CCRL2: variants seen among roughly 807,000 people sequenced by gnomAD.
The protein encoded by CCRL2 is C-C chemokine receptor-like 2.
For missense variants in CCRL2, 451 were observed against 412.4 expected, an observed-to-expected ratio of 1.09 and a Z score of -0.81; for synonymous variants, 181 against 165.6, an observed-to-expected ratio of 1.09 and a Z score of -0.71.
chr3:46,408,807 T>C lies in CCRL2; in HGVS notation c.728T>C (p.Ile243Thr), dbSNP rs1474236435. The C allele has an allele frequency of 1.2e-6, 2 of 1,614,234 alleles. No homozygotes were observed. The change falls in exon 2 of 2, where the codon ATA becomes ACA. Residue 243 changes from isoleucine (I) to threonine (T), a missense_variant. Transcript: ENST00000399036. Reference sequence around the variant, plus strand: ...AGCCTTTTCAAGCTTGTTTTTGCCATAATGGTAGTCTTCCTTCTGATGTGG... The same window carrying C: ...AGCCTTTTCAAGCTTGTTTTTGCCACAATGGTAGTCTTCCTTCTGATGTGG... ...RYSLFKLVFA[I>T]MVVFLLMWAP...
chr3:46,408,170 T>A lies in CCRL2; in HGVS notation c.91T>A (p.Tyr31Asn). 6.2e-7 allele frequency: 1 copy of A among 1,612,164 alleles called. No homozygotes were observed. Among genetic ancestry groups the A allele is most frequent in the Non-Finnish European group, 8.5e-7 (1 of 1,179,028 alleles). Residue 31 changes from tyrosine (Y) to asparagine (N), a missense_variant, in exon 2 of 2, where the codon TAT becomes AAT. Coordinates refer to ENST00000399036, the MANE Select transcript of CCRL2 (RefSeq NM_003965.5). ...CGATGAGGCAGAGCAATGTGACAAG[T>A]ATGACGCCCAGGCACTCTCAGCCCA... ...ESDEAEQCDK[Y>N]DAQALSAQLV... is the part of the protein sequence containing the mutation.
In CCRL2 at chr3:46,408,143, A is replaced by G. The variant is rs773560914; in HGVS notation, c.64A>G (p.Ser22Gly). 5 of 1,607,840 alleles carry G rather than the reference A, an allele frequency of 3.1e-6. No individual in the cohort carries two copies. Among genetic ancestry groups the G allele is most frequent in the Non-Finnish European group, 4.2e-6 (5 of 1,176,802 alleles). Residue 22 changes from serine to glycine, a missense_variant, in exon 2 of 2, where the codon AGC becomes GGC. Transcript: ENST00000399036. ...TGTCCTCATAGAAGGTGAACTGGAG[A>G]GCGATGAGGCAGAGCAATGTGACAA... Reference protein sequence around the residue: ...YDVLIEGELESDEAEQCDKYD... With the variant: ...YDVLIEGELEGDEAEQCDKYD...
rs1200334915 is a variant in CCRL2, at chr3:46,409,035, G to A, written c.956G>A (p.Ser319Asn). 2 of 1,614,184 alleles carry A rather than the reference G, an allele frequency of 1.2e-6. No homozygotes were observed. The highest frequency in any genetic ancestry group is 1.7e-6 in the Non-Finnish European group (2 of 1,180,044). Residue 319 changes from serine to asparagine, a missense_variant, in exon 2 of 2, where the codon AGT becomes AAT. Ser to Asn is a conservative substitution (Grantham distance 46). Coordinates refer to ENST00000399036, the MANE Select transcript of CCRL2 (RefSeq NM_003965.5). ...KYLCRCFHLR[S>N]NTPLQPRGQS... ...CTCTGCCGCTGTTTCCATCTGCGTAGTAACACCCCACTTCAACCCAGGGGG... is the reference window on the plus strand; with the variant it reads ...CTCTGCCGCTGTTTCCATCTGCGTAATAACACCCCACTTCAACCCAGGGGG...
In CCRL2 at chr3:46,409,318, T is replaced by C; in HGVS notation, c.*204T>C. 1 of 604,220 alleles carries C rather than the reference T, an allele frequency of 1.7e-6. No homozygotes were observed. Among genetic ancestry groups the C allele is most frequent in the Non-Finnish European group, 3.0e-6 (1 of 333,200 alleles). The allele number at this position is 604,220 out of a possible 1,614,324, so 37.4% of individuals were successfully genotyped here. A position where few individuals can be genotyped will look rare whatever the true frequency, so the allele number is the denominator to read the frequency against. On this transcript the variant is annotated 3_prime_UTR_variant, in exon 2 of 2. Coordinates refer to ENST00000399036, the MANE Select transcript of CCRL2 (RefSeq NM_003965.5). ...GTGAGCTCCTTCGCCTCCTACCACT[T>C]GTCCATAGTGTGGATAGGACTAGTC...
Position 46,408,652 on chromosome 3 carries a change from T to C in CCRL2, c.573T>C (p.Ala191=). 6.2e-7 allele frequency: 1 copy of C among 1,614,218 alleles called. No homozygotes were observed. Among genetic ancestry groups the C allele is most frequent in the Non-Finnish European group, 8.5e-7 (1 of 1,180,032 alleles). ...TTAGCAGAACTCCCTTCCTGCCAGC[T>C]GATGAGACATTCTGGAAGCATTTTC... ...CAFSRTPFLP[A]DETFWKHFLT... The change falls in exon 2 of 2, where the codon GCT becomes GCC. Residue 191 remains alanine, a synonymous_variant. Coordinates refer to ENST00000399036, the MANE Select transcript of CCRL2 (RefSeq NM_003965.5).
intron 1 of CCRL2, chr3:46,407,774 A>G (rs529465238): frequency 1.8e-5 from 22 of 1,204,766 alleles, no homozygotes; most frequent in African/African-American, 1.6e-4. Context: ...TGTTTCTGCT[A>G]AAAGAAGGTA....
In CCRL2 at chr3:46,408,300, ATATC is replaced by A. The variant is rs1702079414; in HGVS notation, c.227_230del (p.Tyr76PhefsTer2). 6.2e-7 allele frequency: 1 copy of A among 1,614,212 alleles called. No individual in the cohort carries two copies. Among genetic ancestry groups the A allele is most frequent in the Non-Finnish European group, 8.5e-7 (1 of 1,180,030 alleles). On this transcript the variant is annotated frameshift_variant, in exon 2 of 2. Transcript: ENST00000399036. LOFTEE classifies it low-confidence loss of function (END_TRUNC). Reference sequence around the variant, plus strand: ...TATAAAGGACTCAAACGCGTGGAAAATATCTATCTTCTAAACTTGGCAGTTTCTA... The same window carrying A: ...TATAAAGGACTCAAACGCGTGGAAAATATCTTCTAAACTTGGCAGTTTCTA...
rs749278347 is a variant in CCRL2 at position 46,408,432 on chromosome 3, C to T, written c.353C>T (p.Thr118Ile). The stretch of plus-strand genomic sequence containing the variant: ...TACTTCGTGGGCCTGTACAGTGAGA[C>T]ATTTTTCAATTGCCTTCTGACTGTG... ...GLYFVGLYSE[T>I]FFNCLLTVQR... The change falls in exon 2 of 2, where the codon ACA becomes ATA. Residue 118 changes from threonine (T) to isoleucine (I), a missense_variant. Coordinates refer to ENST00000399036, the MANE Select transcript of CCRL2 (RefSeq NM_003965.5). The T allele has an allele frequency of 6.2e-6, 10 of 1,614,234 alleles. No homozygotes were observed. Among genetic ancestry groups the T allele is most frequent in the Middle Eastern group, 1.6e-4 (1 of 6,062 alleles).
In CCRL2 at chr3:46,408,805, C is replaced by T; in HGVS notation, c.726C>T (p.Ala242=). 1.9e-6 allele frequency: 3 copies of T among 1,614,180 alleles called. No individual in the cohort carries two copies. The highest frequency in any genetic ancestry group is 2.2e-5 in the South Asian group (2 of 91,088). Residue 242 remains alanine (A), a synonymous_variant, in exon 2 of 2, where the codon GCC becomes GCT. Transcript: ENST00000399036. ...QRYSLFKLVF[A]IMVVFLLMWA... is the part of the protein sequence containing the mutation. ...ATAGCCTTTTCAAGCTTGTTTTTGC[C>T]ATAATGGTAGTCTTCCTTCTGATGT...
Position 46,408,115 on chromosome 3 carries a change from T to C in CCRL2, c.36T>C (p.Tyr12=), listed in dbSNP as rs372149380. 13 of 1,598,168 alleles carry C rather than the reference T, an allele frequency of 8.1e-6. No individual in the cohort carries two copies. Among genetic ancestry groups the C allele is most frequent in the Non-Finnish European group, 1.0e-5 (12 of 1,171,960 alleles). The change falls in exon 2 of 2, where the codon TAT becomes TAC. Residue 12 remains tyrosine, a synonymous_variant. Coordinates refer to ENST00000399036, the MANE Select transcript of CCRL2 (RefSeq NM_003965.5). ...ANYTLAPEDE[Y]DVLIEGELES... is the part of the protein sequence containing the mutation. ...ACACGCTGGCACCAGAGGATGAATATGATGTCCTCATAGAAGGTGAACTGG... is the reference window on the plus strand; with the variant it reads ...ACACGCTGGCACCAGAGGATGAATACGATGTCCTCATAGAAGGTGAACTGG...
Position 46,408,261 on chromosome 3 carries a change from T to C in CCRL2, c.182T>C (p.Leu61Pro). The C allele has an allele frequency of 6.2e-7, 1 of 1,614,212 alleles. No individual in the cohort carries two copies. Among genetic ancestry groups the C allele is most frequent in the Non-Finnish European group, 8.5e-7 (1 of 1,180,026 alleles). Residue 61 changes from leucine (L) to proline (P), a missense_variant, in exon 2 of 2, where the codon CTT (leucine) becomes CCT (proline). By Grantham distance (98) the Leu-to-Pro change is moderately conservative. Transcript: ENST00000399036. ...GTCCTGGACAATCTCCTGGTTGTGC[T>C]TATCCTGGTAAAATATAAAGGACTC... Reference protein sequence around the residue: ...IGVLDNLLVVLILVKYKGLKR... With the variant: ...IGVLDNLLVVPILVKYKGLKR...
chr3:46,407,988 A>G, intron 1 of CCRL2, 80 bp from the exon 2 acceptor site: 1 of 1,067,796 alleles, frequency 9.4e-7, no homozygotes, highest in African/African-American at 1.6e-5. Flanking sequence ...GTGGGGCTGT[A>G]TGAATCCAGG....
rs956924504 is a variant in CCRL2, at chr3:46,409,439, G to C, written c.*325G>C. 3.6e-5 allele frequency: 12 copies of C among 336,194 alleles called. No homozygotes were observed. Among genetic ancestry groups the C allele is most frequent in the South Asian group, 2.7e-4 (5 of 18,296 alleles). 20.8% of individuals were successfully genotyped at this position (336,194 alleles called of 1,614,324 possible). A position where few individuals can be genotyped will look rare whatever the true frequency, so the allele number is the denominator to read the frequency against. ...TGATTCTCCAGCCCTGGTAGCATTT[G>C]CTCAGAGCCTACGCTTGGTCCAGAA... is the stretch of plus-strand genomic sequence containing the variant. On this transcript the variant is annotated 3_prime_UTR_variant, in exon 2 of 2. Coordinates refer to ENST00000399036, the MANE Select transcript of CCRL2 (RefSeq NM_003965.5).
rs1416469327 is a variant in CCRL2, at chr3:46,409,276, CA to C, written c.*164del. On this transcript the variant is annotated 3_prime_UTR_variant, in exon 2 of 2. Coordinates refer to ENST00000399036, the MANE Select transcript of CCRL2 (RefSeq NM_003965.5). ...CACTGAATTTGTCTCAGGCACCGTG[CA>C]AGGCTCTTTACAAACGTGAGCTCCT... 4.3e-6 allele frequency: 3 copies of C among 696,530 alleles called. No homozygotes were observed. In the African/African-American group the frequency reaches 5.4e-5, roughly 13 times the overall value. The allele number at this position is 696,530 out of a possible 1,614,324, so 43.1% of individuals were successfully genotyped here. A position where few individuals can be genotyped will look rare whatever the true frequency, so the allele number is the denominator to read the frequency against.
chr3:46,408,923 G>A lies in CCRL2; in HGVS notation c.844G>A (p.Val282Ile), dbSNP rs764940493. Residue 282 changes from valine to isoleucine, a missense_variant, in exon 2 of 2, where the codon GTT (valine) becomes ATT (isoleucine). By Grantham distance (29) the Val-to-Ile change is conservative. Coordinates refer to ENST00000399036, the MANE Select transcript of CCRL2 (RefSeq NM_003965.5). Reference protein sequence around the residue: ...CKSSYNLDKSVHITKLIATTH... With the variant: ...CKSSYNLDKSIHITKLIATTH... ...GAGCAGCTACAATCTGGACAAAAGT[G>A]TTCACATCACTAAACTCATCGCCAC... 2 of 1,614,132 alleles carry A rather than the reference G, an allele frequency of 1.2e-6. No homozygotes were observed. The highest frequency in any genetic ancestry group is 2.2e-5 in the East Asian group (1 of 44,878).
Position 46,409,403 on chromosome 3 carries a change from A to C in CCRL2, c.*289A>C. 2.4e-6 allele frequency: 1 copy of C among 423,478 alleles called. No individual in the cohort carries two copies. The highest frequency in any genetic ancestry group is 3.6e-5 in the South Asian group (1 of 27,694). 26.2% of individuals were successfully genotyped at this position (423,478 alleles called of 1,614,324 possible). ...TTTGTCTAAGATCACATAACTAGGA[A>C]GTGGCAGAACTGATTCTCCAGCCCT... On this transcript the variant is annotated 3_prime_UTR_variant, in exon 2 of 2. Coordinates refer to ENST00000399036, the MANE Select transcript of CCRL2 (RefSeq NM_003965.5).
chr3:46,409,126 C>A lies in CCRL2; in HGVS notation c.*12C>A. On this transcript the variant is annotated 3_prime_UTR_variant, in exon 2 of 2. Transcript: ENST00000399036. ...CCACCGAAGTGTAAACTAGCATCCA[C>A]CAAATGCAAGAAGAATAAACATGGA... 6.3e-7 allele frequency: 1 copy of A among 1,578,228 alleles called. No individual in the cohort carries two copies. The highest frequency in any genetic ancestry group is 8.6e-7 in the Non-Finnish European group (1 of 1,157,190).
chr3:46,408,494 T>C lies in CCRL2; in HGVS notation c.415T>C (p.Phe139Leu). The C allele has an allele frequency of 6.2e-7, 1 of 1,614,238 alleles. No homozygotes were observed. Among genetic ancestry groups the C allele is most frequent in the Non-Finnish European group, 8.5e-7 (1 of 1,180,040 alleles). The change falls in exon 2 of 2, where the codon TTC (phenylalanine) becomes CTC (leucine). Residue 139 changes from phenylalanine (F) to leucine (L), a missense_variant. Coordinates refer to ENST00000399036, the MANE Select transcript of CCRL2 (RefSeq NM_003965.5). ...YLVFLHKGNF[F>L]SARRRVPCGI... ...AGTGTTTTTGCACAAGGGAAACTTT[T>C]TCTCAGCCAGGAGGAGGGTGCCCTG...
In CCRL2 at chr3:46,409,406, G is replaced by T; in HGVS notation, c.*292G>T. On this transcript the variant is annotated 3_prime_UTR_variant, in exon 2 of 2. Transcript: ENST00000399036. Reference sequence around the variant, plus strand: ...GTCTAAGATCACATAACTAGGAAGTGGCAGAACTGATTCTCCAGCCCTGGT... The same window carrying T: ...GTCTAAGATCACATAACTAGGAAGTTGCAGAACTGATTCTCCAGCCCTGGT... The T allele has an allele frequency of 2.4e-6, 1 of 409,280 alleles. No individual in the cohort carries two copies. Among genetic ancestry groups the T allele is most frequent in the South Asian group, 3.9e-5 (1 of 25,486 alleles). 25.4% of individuals were successfully genotyped at this position (409,280 alleles called of 1,614,324 possible).
Sources: gnomAD v4.1 joint callset for allele counts on GRCh38, gnomAD v4.1.1 for gene constraint, MANE v1.5 for transcripts, NCBI Gene and HGNC (gene_info 2026-07-23, HGNC 2026-07-21) for gene names.